The following PTPN5 variants were observed in gnomAD, a reference collection of about 807,000 sequenced individuals.
PTPN5 encodes protein tyrosine phosphatase non-receptor type 5.
Under a neutral mutation model 73.9 loss-of-function variants are expected in PTPN5, and 29 were observed. The ratio of observed to expected loss-of-function variants is 0.39; its 90% CI spans 0.29 to 0.54. The LOEUF (loss-of-function observed/expected upper bound fraction) is 0.54, where lower values mean the gene tolerates loss of function less well. Ranked by LOEUF, PTPN5 falls within the 20% of genes least tolerant of loss-of-function variation. The probability of loss-of-function intolerance (pLI) is 0.65; values close to 1 mark genes in which losing one functional copy is unlikely to be tolerated. For synonymous variants in PTPN5, 267 were observed against 304.7 expected (o/e 0.88, Z 1.29); for missense variants, 652 against 751.4 (o/e 0.87, Z 1.55).
chr11:18,737,968 T>C lies in PTPN5; in HGVS notation c.916-4A>G, dbSNP rs767817988. On this transcript the variant is annotated splice_region_variant and splice_polypyrimidine_tract_variant and intron_variant, in intron 8 of 14. Transcript: ENST00000358540. ...CCACAAAGTTCATGGGGATTTCCTGTGGAAGGAGGACACGGGGTGTGAGCA... is the reference window on the plus strand; with the variant it reads ...CCACAAAGTTCATGGGGATTTCCTGCGGAAGGAGGACACGGGGTGTGAGCA... 5 of 1,613,722 alleles carry C rather than the reference T, an allele frequency of 3.1e-6. No individual in the cohort carries two copies. The Admixed American group carries it at 6.7e-5, about 22-fold the overall frequency.
chr11:18,731,739 C>G (rs934376788), intron 12 of PTPN5, among the ~76,000 whole-genome samples: 1 of 152,076 alleles, frequency 6.6e-6, no homozygotes, highest in African/African-American at 2.4e-5. Flanking sequence ...CTACCTGGCC[C>G]CTATTCAGTG....
intron 12 of PTPN5, chr11:18,730,025 C>T (rs561715861): frequency 2.7e-4 from 171 of 627,934 alleles, no homozygotes; most frequent in African/African-American, 2.7e-3. Context: ...TGGTCAGCAG[C>T]GTTGGCATGG....
In PTPN5 at chr11:18,733,408, G is replaced by A. The variant is rs757573694; in HGVS notation, c.1081-36C>T. On this transcript the variant is annotated intron_variant, in intron 10 of 14. Transcript: ENST00000358540. This position sits in a 1 kb window ranked among gnomAD's most constrained non-coding sequence, Gnocchi z 4.3. The stretch of plus-strand genomic sequence containing the variant: ...CCAAGTCCAGGCTGTCAGGGTCAGA[G>A]GCAGTGCTCCCAGGACCCCATCCCC... The A allele has an allele frequency of 1.9e-6, 3 of 1,610,860 alleles. No homozygotes were observed. The highest frequency in any genetic ancestry group is 2.5e-6 in the Non-Finnish European group (3 of 1,177,414).
intron 3 of PTPN5, among the ~76,000 whole-genome samples, chr11:18,748,504 G>C (rs1427802420): frequency 1.3e-5 from 2 of 152,126 alleles, no homozygotes; most frequent in African/African-American, 4.8e-5. Context: ...TTCAGAGCAG[G>C]ATTTATTTAG....
At position 18,791,699 on chromosome 11, in the gene PTPN5, TGCCTCCGTCCTTCGGTCCGTCCGCCTGG is replaced by T. The variant is rs1189218103; in HGVS notation, c.-316_-289del. 1 of 152,222 alleles carries T rather than the reference TGCCTCCGTCCTTCGGTCCGTCCGCCTGG, an allele frequency of 6.6e-6. No individual in the cohort carries two copies. Among genetic ancestry groups the T allele is most frequent in the Non-Finnish European group, 1.5e-5 (1 of 68,134 alleles). 9.4% of individuals were successfully genotyped at this position (152,222 alleles called of 1,614,324 possible). ...GTGTGCGGGGGCGTCCGTCCTTCGGTGCCTCCGTCCTTCGGTCCGTCCGCCTGGCGCTCCGTCCCGCGCTCCGTGCGCG... is the reference window on the plus strand; with the variant it reads ...GTGTGCGGGGGCGTCCGTCCTTCGGTCGCTCCGTCCCGCGCTCCGTGCGCG... On this transcript the variant is annotated 5_prime_UTR_variant, in exon 1 of 15. Transcript: ENST00000358540.
intron 3 of PTPN5, among the ~76,000 whole-genome samples, chr11:18,762,521 AT>A: frequency 6.6e-6 from 1 of 152,142 alleles, no homozygotes; most frequent in South Asian, 2.1e-4. Context: ...CACAAATTCA[AT>A]GTGAATTTAC....
chr11:18,781,143 C>A (rs528397073), intron 1 of PTPN5, among the ~76,000 whole-genome samples: 2 of 150,656 alleles, frequency 1.3e-5, no homozygotes, highest in South Asian at 2.1e-4. Context: ...CTTTGCCGCA[C>A]CCCCCCGGCC....
chr11:18,728,817 G>A lies in PTPN5; in HGVS notation c.*117C>T. The A allele has an allele frequency of 1.1e-6, 1 of 905,150 alleles. No individual in the cohort carries two copies. Among genetic ancestry groups the A allele is most frequent in the Non-Finnish European group, 1.7e-6 (1 of 586,258 alleles). The allele number at this position is 905,150 out of a possible 1,614,324, so 56.1% of individuals were successfully genotyped here. A position where few individuals can be genotyped will look rare whatever the true frequency, so the allele number is the denominator to read the frequency against. On this transcript the variant is annotated 3_prime_UTR_variant, in exon 15 of 15. Coordinates refer to ENST00000358540, the MANE Select transcript of PTPN5 (RefSeq NM_006906.2). The surrounding 1 kb of genome is among the most constrained non-coding windows in gnomAD (Gnocchi z 4.1). ...TCAGGCCAGGCTGACAGAGGACAGA[G>A]GGAGCTGACTGAAGGGGAGGAAGCG...
chr11:18,777,991 A>AAGGAAGGAAGGAAGGAAGGAAGG (rs1564929448), intron 1 of PTPN5, among the ~76,000 whole-genome samples: 2 of 92,514 alleles, frequency 2.2e-5, no homozygotes, highest in South Asian at 4.3e-4. Context: ...AGAAAGAAAG[A>AAGGAAGGAAGGAAGGAAGGAAGG]AAGGAAGGAA....
intron 1 of PTPN5, among the ~76,000 whole-genome samples, chr11:18,772,903 C>G (rs1850970346): frequency 6.6e-6 from 1 of 152,002 alleles, no homozygotes; most frequent in Admixed American, 6.5e-5. Flanking sequence ...GCCAGCCAGA[C>G]CCCTAAGGAG....
At chr11:18,743,581 C>A in intron 4 of PTPN5, 152 bp from the exon 5 acceptor site, 1 of 677,918 alleles carries the variant, frequency 1.5e-6, no homozygotes, top group Non-Finnish European at 2.5e-6. Flanking sequence ...GGCCCCGGTG[C>A]TGCGTGCCCG....
In PTPN5 at chr11:18,729,642, G is replaced by C; in HGVS notation, c.1490+16C>G. ...GGGGGGCTGCCCCGCTCCAGTGGCT[G>C]GCTGGGAGGACCCACCTGCAGTGGA... On this transcript the variant is annotated intron_variant, in intron 13 of 14. Coordinates refer to ENST00000358540, the MANE Select transcript of PTPN5 (RefSeq NM_006906.2). The surrounding 1 kb of genome is among the most constrained non-coding windows in gnomAD (Gnocchi z 5.2). The C allele has an allele frequency of 6.3e-7, 1 of 1,575,930 alleles. No individual in the cohort carries two copies. The highest frequency in any genetic ancestry group is 1.1e-5 in the South Asian group (1 of 88,340).
intron 8 of PTPN5, 81 bp from the exon 9 acceptor site, chr11:18,738,045 C>T: frequency 8.6e-7 from 1 of 1,167,592 alleles, no homozygotes; most frequent in Non-Finnish European, 1.3e-6. Flanking sequence ...GCCCCCAACT[C>T]CTAGCCCAGG....
rs568999375 is a variant in PTPN5 at position 18,733,192 on chromosome 11, G to T, written c.1218+43C>A. On this transcript the variant is annotated intron_variant, in intron 11 of 14. Coordinates refer to ENST00000358540, the MANE Select transcript of PTPN5 (RefSeq NM_006906.2). The surrounding 1 kb of genome is among the most constrained non-coding windows in gnomAD (Gnocchi z 4.3). ...TTGAGAACAAGATACTTAGTGTAGG[G>T]CGCAATGTAGCAGACACTTAGAATG... The T allele has an allele frequency of 4.3e-5, 68 of 1,593,886 alleles. 1 individual carries two copies. The South Asian group carries it at 7.2e-4, about 17-fold the overall frequency.
intron 3 of PTPN5, among the ~76,000 whole-genome samples, chr11:18,754,577 G>C (rs1341228803): frequency 6.6e-6 from 1 of 152,140 alleles, no homozygotes; most frequent in Non-Finnish European, 1.5e-5. Flanking sequence ...CCCAAAGGGT[G>C]GTGACTCAAC....
chr11:18,755,989 G>A (rs1185630871), intron 3 of PTPN5, among the ~76,000 whole-genome samples: 9 of 134,916 alleles, frequency 6.7e-5, no homozygotes, highest in Admixed American at 3.9e-4. Flanking sequence ...GGGCGACAGA[G>A]TGAGACTCTA....
chr11:18,777,755 G>A (rs761832773), intron 1 of PTPN5, among the ~76,000 whole-genome samples: 3 of 152,152 alleles, frequency 2.0e-5, no homozygotes, highest in Non-Finnish European at 2.9e-5. Context: ...AGACCAGCTT[G>A]GGAAAAACAG....
chr11:18,749,427 T>C (rs927778954), intron 3 of PTPN5: 1 of 516,728 alleles, frequency 1.9e-6, no homozygotes, highest in Admixed American at 1.9e-5. Flanking sequence ...GCCATGCCGC[T>C]TCTCAGTAAA....
chr11:18,759,693 T>A (rs888067200), intron 3 of PTPN5, among the ~76,000 whole-genome samples: 1 of 152,120 alleles, frequency 6.6e-6, no homozygotes, highest in Admixed American at 6.5e-5. Context: ...CTAAATGTAT[T>A]TGAAGTCTTG....
Sources: gnomAD v4.1 joint callset for allele counts (sites outside exome capture counted in the v4.1 genomes callset) on GRCh38, gnomAD v4.1.1 for gene constraint, Gnocchi (gnomAD v3.1) non-coding constraint, MANE v1.5 for transcripts, NCBI Gene and HGNC (gene_info 2026-07-23, HGNC 2026-07-21) for gene names.